The following ROBO2 variants were observed in gnomAD, a reference collection of about 807,000 sequenced individuals.
ROBO2 encodes the protein roundabout guidance receptor 2, also known as roundabout homolog 2.
A neutral mutation model predicts 160.8 loss-of-function variants in ROBO2; 53 were observed. The observed-to-expected ratio is 0.33, with a 90% CI of 0.26 to 0.41. The LOEUF is 0.41. ROBO2 is among the 10% of genes least tolerant of loss of function. The probability of loss-of-function intolerance (pLI) is 1.00; values close to 1 mark genes in which losing one functional copy is unlikely to be tolerated. For missense variants in ROBO2, 1,577 were observed against 1,722.4 expected, an observed-to-expected ratio of 0.92 and a Z score of 1.49; for synonymous variants, 664 against 611.7, an observed-to-expected ratio of 1.09 and a Z score of -1.26.
intron 2 of ROBO2, among the ~76,000 whole-genome samples, chr3:77,157,446 A>C (rs1375390050): frequency 2.6e-5 from 4 of 152,040 alleles, no homozygotes; most frequent in Non-Finnish European, 5.9e-5. Flanking sequence ...TCCCATGTTG[A>C]ATTTCCAAGG....
At chr3:76,767,248 T>C (rs547590431) in intron 2 of ROBO2, among the ~76,000 whole-genome samples, 2 of 151,722 alleles carry the variant, frequency 1.3e-5, no homozygotes, top group Admixed American at 6.6e-5. Context: ...AATTATCGTC[T>C]AAGAATGGAT....
At chr3:77,541,382 G>A (rs542258800) in intron 6 of ROBO2, among the ~76,000 whole-genome samples, 1 of 152,152 alleles carries the variant, frequency 6.6e-6, no homozygotes, top group Non-Finnish European at 1.5e-5. Flanking sequence ...ACTCTCACCA[G>A]CAGGCATTAG....
intron 2 of ROBO2, among the ~76,000 whole-genome samples, chr3:76,252,690 C>T (rs1706087654): frequency 6.8e-6 from 1 of 147,534 alleles, no homozygotes; most frequent in African/African-American, 2.5e-5. Context: ...ACACAAATAC[C>T]TATACAAATA....
At chr3:77,303,736 A>G (rs915080578) in intron 2 of ROBO2, among the ~76,000 whole-genome samples, 1 of 152,036 alleles carries the variant, frequency 6.6e-6, no homozygotes, top group Admixed American at 6.6e-5. Context: ...TAAAAATAAA[A>G]TCATCATGTT....
chr3:77,367,836 G>A (rs983000143), intron 2 of ROBO2, among the ~76,000 whole-genome samples: 1 of 152,074 alleles, frequency 6.6e-6, no homozygotes, highest in Non-Finnish European at 1.5e-5. Context: ...TTCATCAGTT[G>A]TGGTTCTTTA....
At chr3:76,574,221 G>C (rs1265489197) in intron 2 of ROBO2, among the ~76,000 whole-genome samples, 1 of 152,170 alleles carries the variant, frequency 6.6e-6, no homozygotes, top group East Asian at 1.9e-4. Flanking sequence ...ATTCAGGTTT[G>C]TGTGAATGAG....
At chr3:76,093,992 T>G (rs1001404543) in intron 2 of ROBO2, among the ~76,000 whole-genome samples, 2 of 152,050 alleles carry the variant, frequency 1.3e-5, no homozygotes, top group Non-Finnish European at 2.9e-5. Flanking sequence ...CTCTCAGATT[T>G]GTGAAAAAAA....
At chr3:76,769,991 C>A (rs2061791115) in intron 2 of ROBO2, among the ~76,000 whole-genome samples, 1 of 151,402 alleles carries the variant, frequency 6.6e-6, no homozygotes. Flanking sequence ...AAAAATATTA[C>A]CATTGCCAAC....
chr3:76,933,886 G>C (rs1049131574), intron 2 of ROBO2, among the ~76,000 whole-genome samples: 1 of 152,114 alleles, frequency 6.6e-6, no homozygotes, highest in African/African-American at 2.4e-5. Context: ...CTATCATAAA[G>C]ACACAATTCT....
chr3:77,194,531 T>G (rs1176205081), intron 2 of ROBO2, among the ~76,000 whole-genome samples: 2 of 152,214 alleles, frequency 1.3e-5, no homozygotes, highest in Non-Finnish European at 2.9e-5. Flanking sequence ...AGTTCATTTA[T>G]TCAACTCAAC....
intron 2 of ROBO2, among the ~76,000 whole-genome samples, chr3:76,637,416 C>T (rs1270606319): frequency 8.0e-6 from 1 of 124,496 alleles, no homozygotes; most frequent in African/African-American, 3.5e-5. Context: ...TTATAAAGTT[C>T]TAGAAATAAA....
intron 2 of ROBO2, among the ~76,000 whole-genome samples, chr3:76,544,845 A>G (rs989707347): frequency 2.0e-5 from 3 of 152,128 alleles, no homozygotes; most frequent in African/African-American, 7.2e-5. Flanking sequence ...TAGTAACCCA[A>G]TAACCATGGG....
chr3:76,868,931 C>CT (rs1366878126), intron 2 of ROBO2, among the ~76,000 whole-genome samples: 2 of 152,012 alleles, frequency 1.3e-5, no homozygotes, highest in Admixed American at 6.6e-5. Flanking sequence ...ACCAGAATAA[C>CT]TTTTTTCAGA....
intron 2 of ROBO2, among the ~76,000 whole-genome samples, chr3:76,658,562 C>T (rs906357813): frequency 6.6e-6 from 1 of 152,094 alleles, no homozygotes; most frequent in Non-Finnish European, 1.5e-5. Flanking sequence ...GTTCAAATCC[C>T]ACTTATCAGT....
At chr3:76,472,112 T>TGTGTGTGTGC (rs1439741399) in intron 2 of ROBO2, among the ~76,000 whole-genome samples, 7 of 84,412 alleles carry the variant, frequency 8.3e-5, no homozygotes, top group Admixed American at 2.3e-4. Flanking sequence ...CGCGTGTGCG[T>TGTGTGTGTGC]GCGCATGTGT....
At chr3:76,014,205 A>G (rs2066318678) in intron 2 of ROBO2, among the ~76,000 whole-genome samples, 1 of 137,586 alleles carries the variant, frequency 7.3e-6, no homozygotes, top group African/African-American at 3.3e-5. Flanking sequence ...GTAATCCCAG[A>G]AGTAATATGT....
intron 1 of ROBO2, among the ~76,000 whole-genome samples, chr3:77,044,513 C>G (rs751105627): frequency 2.0e-5 from 3 of 152,022 alleles, no homozygotes; most frequent in Non-Finnish European, 2.9e-5. Flanking sequence ...TCTTCTCATT[C>G]ATCGTCTCTT....
chr3:76,527,011 A>G (rs2107990303), intron 2 of ROBO2, among the ~76,000 whole-genome samples: 1 of 152,194 alleles, frequency 6.6e-6, no homozygotes, highest in South Asian at 2.1e-4. Context: ...AATGCCTGGA[A>G]AAGGAAATTG....
intron 2 of ROBO2, among the ~76,000 whole-genome samples, chr3:77,385,054 C>T (rs184068309): frequency 6.6e-6 from 1 of 152,238 alleles, no homozygotes; most frequent in Non-Finnish European, 1.5e-5. Flanking sequence ...TTGTTTTAGA[C>T]GGAGTCTCTC....
Sources: allele counts gnomAD v4.1 joint callset (sites outside exome capture counted in the v4.1 genomes callset), GRCh38; gene constraint gnomAD v4.1.1; transcripts MANE v1.5; gene names NCBI Gene and HGNC (gene_info 2026-07-23, HGNC 2026-07-21).